The following P2RY14 variants were observed in gnomAD, a reference collection of about 807,000 sequenced individuals.
The protein encoded by P2RY14 is purinergic receptor P2Y14.
P2RY14 carries 2 observed loss-of-function variants against 0.9 expected under a neutral mutation model. The observed-to-expected ratio is 2.16, with a 90% CI of 0.88 to 6.79. The LOEUF (loss-of-function observed/expected upper bound fraction) is 6.79, where lower values mean the gene tolerates loss of function less well. Ranked by LOEUF, P2RY14 falls within the 30% of genes most tolerant of loss-of-function variation. P2RY14 has a pLI of 0.05. For synonymous variants in P2RY14, 158 were observed against 147.2 expected (o/e 1.07, Z -0.53); for missense variants, 378 against 400.1 (o/e 0.94, Z 0.47).
intron 1 of P2RY14, among the ~76,000 whole-genome samples, chr3:151,254,481 T>C (rs547183135): frequency 2.6e-5 from 4 of 152,242 alleles, no homozygotes; most frequent in Non-Finnish European, 4.4e-5. Context: ...ATTTGCCCAT[T>C]TTCCCATTTA....
At chr3:151,259,965 A>G (rs893592753) in intron 1 of P2RY14, among the ~76,000 whole-genome samples, 2 of 152,200 alleles carry the variant, frequency 1.3e-5, no homozygotes, top group African/African-American at 4.8e-5. Context: ...TATGTGGTAA[A>G]TATTTTCTTC....
intron 1 of P2RY14, among the ~76,000 whole-genome samples, chr3:151,226,713 C>T (rs1434871105): frequency 6.6e-6 from 1 of 151,962 alleles, no homozygotes. Context: ...GAGGTGGATG[C>T]CTTCAGTTTC....
chr3:151,249,694 G>T (rs988686486), intron 1 of P2RY14, among the ~76,000 whole-genome samples: 7 of 152,014 alleles, frequency 4.6e-5, no homozygotes, highest in African/African-American at 1.4e-4. Context: ...ATCATTCTTC[G>T]TATTACTCCT....
chr3:151,253,222 G>A (rs1311464247), intron 1 of P2RY14, among the ~76,000 whole-genome samples: 1 of 152,118 alleles, frequency 6.6e-6, no homozygotes, highest in Non-Finnish European at 1.5e-5. Flanking sequence ...TCCGAGAAAA[G>A]CCAACAAATA....
chr3:151,247,962 C>CTTTTTTTTTTTTTTTTTTTTTTT (rs61102632), intron 1 of P2RY14, among the ~76,000 whole-genome samples: 20 of 75,900 alleles, frequency 2.6e-4, no homozygotes, highest in Non-Finnish European at 3.7e-4. Flanking sequence ...TCTTCTTCTT[C>CTTTTTTTTTTTTTTTTTTTTTTT]TTTTTTTTTT....
chr3:151,240,871 T>C (rs929367310), intron 1 of P2RY14, among the ~76,000 whole-genome samples: 8 of 152,242 alleles, frequency 5.3e-5, no homozygotes, highest in African/African-American at 1.9e-4. Flanking sequence ...CAGATGACTT[T>C]ATTCTTCAAG....
Position 151,212,741 on chromosome 3 carries a change from A to G in P2RY14, c.*559T>C, listed in dbSNP as rs796068055. ...CTCTTCCTTTGCAGTGCCATGAAAT[A>G]CATCAATAAGGGGTTTCTTAAGTGA... On this transcript the variant is annotated 3_prime_UTR_variant, in exon 3 of 3. Coordinates refer to ENST00000309170, the MANE Select transcript of P2RY14 (RefSeq NM_014879.4). The G allele has an allele frequency of 6.6e-6, 1 of 152,140 alleles. No homozygotes were observed. The highest frequency in any genetic ancestry group is 1.9e-4 in the East Asian group (1 of 5,204). 9.4% of individuals were successfully genotyped at this position (152,140 alleles called of 1,614,324 possible).
intron 1 of P2RY14, among the ~76,000 whole-genome samples, chr3:151,248,648 T>A (rs1736235476): frequency 6.6e-6 from 1 of 152,082 alleles, no homozygotes; most frequent in Non-Finnish European, 1.5e-5. Context: ...TGAAAGGAAA[T>A]CATGCCTTAT....
At chr3:151,218,449 C>T (rs954508846) in intron 2 of P2RY14, among the ~76,000 whole-genome samples, 1 of 152,204 alleles carries the variant, frequency 6.6e-6, no homozygotes, top group African/African-American at 2.4e-5. Flanking sequence ...CTGGTATTAT[C>T]ACTGAATTTC....
intron 1 of P2RY14, among the ~76,000 whole-genome samples, chr3:151,219,894 C>CG (rs966596477): frequency 6.4e-5 from 1 of 15,706 alleles, no homozygotes. Flanking sequence ...TTATATTACC[C>CG]CCCCCCCCCC....
chr3:151,268,268 A>T (rs186331315), intron 1 of P2RY14, among the ~76,000 whole-genome samples: 19 of 147,554 alleles, frequency 1.3e-4, no homozygotes, highest in African/African-American at 2.7e-4. Context: ...TATATATATA[A>T]GTCAGTTTTC....
intron 2 of P2RY14, among the ~76,000 whole-genome samples, chr3:151,216,516 T>C (rs554962222): frequency 6.6e-6 from 1 of 152,370 alleles, no homozygotes; most frequent in South Asian, 2.1e-4. Context: ...TGTTTCTGCG[T>C]ATTTTCCTTT....
At chr3:151,215,136 A>C (rs2149233536) in intron 2 of P2RY14, among the ~76,000 whole-genome samples, 1 of 152,072 alleles carries the variant, frequency 6.6e-6, no homozygotes, top group South Asian at 2.1e-4. Context: ...CCATTGAAAA[A>C]CTGATTTGCA....
intron 2 of P2RY14, among the ~76,000 whole-genome samples, chr3:151,216,874 A>G (rs1403373995): frequency 2.0e-5 from 3 of 152,126 alleles, no homozygotes; most frequent in Admixed American, 6.6e-5. Context: ...CTGTCTCTTG[A>G]CAGTTAGATG....
At chr3:151,260,714 C>G (rs1738706837) in intron 1 of P2RY14, among the ~76,000 whole-genome samples, 1 of 152,162 alleles carries the variant, frequency 6.6e-6, no homozygotes, top group Admixed American at 6.5e-5. Flanking sequence ...CTTTGTTTCC[C>G]AGTGATCACT....
rs568443779 is a variant in P2RY14 at position 151,240,964 on chromosome 3, CAG to C, written c.-132-21324_-132-21323del. Among the ~76,000 whole-genome samples the C allele has an allele frequency of 3.3e-3, 500 of 152,260 alleles. 2 individuals carry two copies. The highest frequency in any genetic ancestry group is 0.011 in the African/African-American group (453 of 41,552). On this transcript the variant is annotated intron_variant, in intron 1 of 2. Transcript: ENST00000309170. ...GAACCCTATTTGCTAATTGGTGAAA[CAG>C]GGGCAAGAATAGAAGGCCTTTTCCA...
chr3:151,250,410 C>T (rs1478415163), intron 1 of P2RY14, among the ~76,000 whole-genome samples: 1 of 152,168 alleles, frequency 6.6e-6, no homozygotes, highest in Non-Finnish European at 1.5e-5. Context: ...AACTAAAATT[C>T]TGTACCCATT....
At chr3:151,278,019 T>G (rs1384070148) in intron 1 of P2RY14, among the ~76,000 whole-genome samples, 1 of 152,210 alleles carries the variant, frequency 6.6e-6, no homozygotes, top group Non-Finnish European at 1.5e-5. Context: ...TTGATATCTC[T>G]TCATCACAGA....
intron 1 of P2RY14, among the ~76,000 whole-genome samples, chr3:151,238,122 A>T (rs1331869798): frequency 6.7e-6 from 1 of 149,084 alleles, no homozygotes; most frequent in Non-Finnish European, 1.5e-5. Context: ...AGTTTAGAAC[A>T]GTGCACATTT....
Sources: allele counts gnomAD v4.1 joint callset (sites outside exome capture counted in the v4.1 genomes callset), GRCh38; gene constraint gnomAD v4.1.1; transcripts MANE v1.5; gene names NCBI Gene and HGNC (gene_info 2026-07-23, HGNC 2026-07-21).